CALN1: variants seen among roughly 807,000 people sequenced by gnomAD.
The protein encoded by CALN1 is calcium-binding protein 8.
Under a neutral mutation model 30.6 loss-of-function variants are expected in CALN1, and 17 were observed. The observed-to-expected ratio is 0.56, with a 90% CI of 0.38 to 0.83. The LOEUF (loss-of-function observed/expected upper bound fraction) is 0.83. Among genes scored for constraint, CALN1 ranks in the 40% least tolerant of loss-of-function variants. CALN1 has a pLI of 0.00. For synonymous variants in CALN1, 156 were observed against 131.4 expected, an observed-to-expected ratio of 1.19 and a Z score of -1.28; for missense variants, 291 against 354.9, an observed-to-expected ratio of 0.82 and a Z score of 1.45.
chr7:72,203,603 C>A (rs1049950381), intron 3 of CALN1, among the ~76,000 whole-genome samples: 2 of 152,110 alleles, frequency 1.3e-5, no homozygotes, highest in Non-Finnish European at 2.9e-5. Context: ...ACAGTCCACA[C>A]CAAGTTTTCC....
At chr7:71,813,413 C>A (rs934835333) in intron 5 of CALN1, among the ~76,000 whole-genome samples, 2 of 152,060 alleles carry the variant, frequency 1.3e-5, no homozygotes, top group Admixed American at 6.6e-5. Context: ...CCTATTGAAA[C>A]AAATCAATGC....
intron 3 of CALN1, among the ~76,000 whole-genome samples, chr7:72,234,613 A>AT (rs1302447782): frequency 2.6e-5 from 4 of 151,984 alleles, no homozygotes; most frequent in Non-Finnish European, 5.9e-5. Context: ...CACGCAGCTA[A>AT]TTTTTGTATT....
At chr7:72,070,111 A>T (rs1304754099) in intron 4 of CALN1, among the ~76,000 whole-genome samples, 4 of 152,230 alleles carry the variant, frequency 2.6e-5, no homozygotes, top group Admixed American at 1.3e-4. Context: ...TAATTGCTTT[A>T]GGAAAAATCC....
intron 3 of CALN1, among the ~76,000 whole-genome samples, chr7:72,169,381 G>A (rs1421150328): frequency 6.6e-6 from 1 of 152,086 alleles, no homozygotes; most frequent in East Asian, 1.9e-4. Context: ...GTACAGTGGT[G>A]TGATCATACC....
In CALN1 at chr7:72,381,852, T is replaced by G. The variant is rs558529841; in HGVS notation, c.119+21399A>C. Among the ~76,000 whole-genome samples the G allele has an allele frequency of 2.4e-3, 367 of 152,278 alleles. 3 individuals are homozygous for G. The highest frequency in any genetic ancestry group is 8.4e-3 in the African/African-American group (350 of 41,546). On this transcript the variant is annotated intron_variant, in intron 2 of 6. Transcript: ENST00000395275. ...ACGTTCTGCACATGTATCCCAGAACTTAAAGTAAAATTTTAGAAAAAGAAT... is the reference window on the plus strand; with the variant it reads ...ACGTTCTGCACATGTATCCCAGAACGTAAAGTAAAATTTTAGAAAAAGAAT...
chr7:72,460,631 C>CA, the CALN1 span, among the ~76,000 whole-genome samples: 1 of 150,932 alleles, frequency 6.6e-6, no homozygotes. Flanking sequence ...GACTCAGTCT[C>CA]AAAAAAAAGA....
chr7:71,790,854 G>A (rs912421121), intron 6 of CALN1, among the ~76,000 whole-genome samples: 5 of 152,154 alleles, frequency 3.3e-5, no homozygotes, highest in African/African-American at 4.8e-5. Context: ...TGGAGCTGCC[G>A]GGGACAGGAG....
intron 3 of CALN1, among the ~76,000 whole-genome samples, chr7:72,206,505 A>C (rs908103595): frequency 3.9e-5 from 6 of 152,184 alleles, no homozygotes; most frequent in Non-Finnish European, 7.3e-5. Flanking sequence ...AAATTTTGCC[A>C]AATTAATTTT....
At chr7:72,253,885 G>A (rs1170584642) in intron 3 of CALN1, among the ~76,000 whole-genome samples, 2 of 152,084 alleles carry the variant, frequency 1.3e-5, no homozygotes, top group African/African-American at 2.4e-5. Context: ...GGACTACAGG[G>A]GTCTGCCACC....
chr7:72,408,043 G>C (rs1242979134), intron 1 of CALN1, among the ~76,000 whole-genome samples: 1 of 152,158 alleles, frequency 6.6e-6, no homozygotes, highest in African/African-American at 2.4e-5. Flanking sequence ...TTTAGGCGCA[G>C]GCAGGAGCAA....
At chr7:72,230,459 G>C (rs764642257) in intron 3 of CALN1, among the ~76,000 whole-genome samples, 4 of 150,856 alleles carry the variant, frequency 2.7e-5, no homozygotes, top group Admixed American at 6.6e-5. Context: ...AGTGAGTCAT[G>C]ATCACGCCGC....
At chr7:72,304,542 C>G (rs1037337074) in intron 2 of CALN1, among the ~76,000 whole-genome samples, 10 of 152,190 alleles carry the variant, frequency 6.6e-5, no homozygotes, top group African/African-American at 2.4e-4. Flanking sequence ...ATTTCATCCA[C>G]CAGAATCACT....
Position 71,933,636 on chromosome 7 carries a change from C to CT in CALN1, c.501+90020dup, listed in dbSNP as rs1199513984. Among the ~76,000 whole-genome samples, 14 of 152,292 alleles carry CT rather than the reference C, an allele frequency of 9.2e-5. No individual in the cohort carries two copies. In the East Asian group the frequency reaches 2.5e-3, roughly 27 times the overall value. On this transcript the variant is annotated intron_variant, in intron 5 of 6. Transcript: ENST00000395275. ...TTGTGTGGGCAGGCACTTTGTCTTA[C>CT]TCACCTCTGAATCCTTGGTGCCAGG...
chr7:72,182,375 G>GA (rs1395550132), intron 3 of CALN1, among the ~76,000 whole-genome samples: 4 of 151,860 alleles, frequency 2.6e-5, no homozygotes, highest in Non-Finnish European at 4.4e-5. Flanking sequence ...GCATGTGGTT[G>GA]AAAAAAAATC....
chr7:72,279,043 T>C (rs1054285508), intron 2 of CALN1, among the ~76,000 whole-genome samples: 1 of 152,188 alleles, frequency 6.6e-6, no homozygotes, highest in Non-Finnish European at 1.5e-5. Flanking sequence ...TTTTCCCCAT[T>C]TAATTATGAA....
chr7:72,253,114 A>AC lies in CALN1; in HGVS notation c.244+25571_244+25572insG, dbSNP rs143685770. 7.7e-3 allele frequency among the ~76,000 whole-genome samples: 1,167 copies of AC among 151,268 alleles called. 10 individuals are homozygous for AC. The highest frequency in any genetic ancestry group is 0.024 in the African/African-American group (1,013 of 41,548). The stretch of plus-strand genomic sequence containing the variant: ...CATCCACCCTGTTCTACCTGGACTT[A>AC]GTCTCTTGGCTGGGTCCTCAGAGGC... On this transcript the variant is annotated intron_variant, in intron 3 of 6. Coordinates refer to ENST00000395275, the MANE Select transcript of CALN1 (RefSeq NM_031468.4).
chr7:72,379,291 G>C (rs753428923), intron 2 of CALN1, among the ~76,000 whole-genome samples: 1 of 151,926 alleles, frequency 6.6e-6, no homozygotes, highest in Non-Finnish European at 1.5e-5. Context: ...CACCACACCC[G>C]GCCAATTTAT....
chr7:72,405,632 G>A (rs1415922172), intron 1 of CALN1, among the ~76,000 whole-genome samples: 4 of 151,908 alleles, frequency 2.6e-5, no homozygotes, highest in East Asian at 1.9e-4. Flanking sequence ...CCACACACGC[G>A]GCACATGCCG....
chr7:72,253,397 A>G (rs879552572), intron 3 of CALN1, among the ~76,000 whole-genome samples: 1 of 152,184 alleles, frequency 6.6e-6, no homozygotes, highest in Non-Finnish European at 1.5e-5. Context: ...GTTTGTTTTA[A>G]GGACTGCTAT....
Sources: gnomAD v4.1 joint callset for allele counts (sites outside exome capture counted in the v4.1 genomes callset) on GRCh38, gnomAD v4.1.1 for gene constraint, MANE v1.5 for transcripts, NCBI Gene and HGNC (gene_info 2026-07-23, HGNC 2026-07-21) for gene names.